HRH1: variants seen among roughly 807,000 people sequenced by gnomAD.
HRH1 encodes histamine H1 receptor.
HRH1 carries 6 observed loss-of-function variants against 10.3 expected under a neutral mutation model. The ratio of observed to expected loss-of-function variants is 0.58; its 90% CI spans 0.32 to 1.15. The LOEUF (loss-of-function observed/expected upper bound fraction) is 1.15. Ranked by LOEUF, HRH1 falls within the 50% of genes most tolerant of loss-of-function variation. The pLI is 0.05. For missense variants in HRH1, 514 were observed against 615.3 expected, an observed-to-expected ratio of 0.84 and a Z score of 1.74; for synonymous variants, 242 against 236.7, an observed-to-expected ratio of 1.02 and a Z score of -0.21.
intron 1 of HRH1, among the ~76,000 whole-genome samples, chr3:11,218,146 A>G (rs781612361): frequency 4.6e-5 from 7 of 152,346 alleles, no homozygotes; most frequent in Non-Finnish European, 8.8e-5. Flanking sequence ...TGTACATTTG[A>G]GTAAGAAAAC....
intron 1 of HRH1, among the ~76,000 whole-genome samples, chr3:11,254,491 G>T (rs1469179007): frequency 6.6e-6 from 1 of 152,092 alleles, no homozygotes; most frequent in African/African-American, 2.4e-5. Flanking sequence ...ATACTTCACT[G>T]CCCCCAAGGT....
intron 1 of HRH1, among the ~76,000 whole-genome samples, chr3:11,161,399 A>G (rs1474529103): frequency 1.3e-5 from 2 of 152,178 alleles, no homozygotes; most frequent in African/African-American, 4.8e-5. Context: ...ACTAATCATC[A>G]TTAAATAAGT....
chr3:11,147,712 G>A (rs752162360), intron 1 of HRH1, among the ~76,000 whole-genome samples: 2 of 152,204 alleles, frequency 1.3e-5, no homozygotes, highest in Non-Finnish European at 2.9e-5. Context: ...ACTACACCCA[G>A]ATGAAGCTGA....
At chr3:11,258,421 C>T (rs1939841822) in intron 1 of HRH1, among the ~76,000 whole-genome samples, 1 of 152,128 alleles carries the variant, frequency 6.6e-6, no homozygotes, top group Non-Finnish European at 1.5e-5. Flanking sequence ...CTCTCATGGC[C>T]TCAAACATCA....
At chr3:11,216,936 C>G (rs138581130) in intron 1 of HRH1, among the ~76,000 whole-genome samples, 1 of 151,794 alleles carries the variant, frequency 6.6e-6, no homozygotes, top group African/African-American at 2.4e-5. Flanking sequence ...GTAATCCCAG[C>G]ACTTTGGGAG....
chr3:11,259,692 C>T lies in HRH1; in HGVS notation c.655C>T (p.Gln219Ter). ...TGCCAAGATCTACAAGGCCGTACGACAACACTGCCAGCACCGGGAGCTCAT... is the reference window on the plus strand; with the variant it reads ...TGCCAAGATCTACAAGGCCGTACGATAACACTGCCAGCACCGGGAGCTCAT... ...FYAKIYKAVR[Q>*]HCQHRELINR... The change falls in exon 2 of 2, where the codon CAA (glutamine) becomes TAA (stop). Residue 219 changes from glutamine to a stop codon, truncating the protein, a stop_gained. Transcript: ENST00000431010. LOFTEE classifies it low-confidence loss of function (END_TRUNC). The surrounding 1 kb of genome is among the most constrained non-coding windows in gnomAD (Gnocchi z 4.6). The T allele has an allele frequency of 6.2e-7, 1 of 1,614,128 alleles. No homozygotes were observed. Among genetic ancestry groups the T allele is most frequent in the Non-Finnish European group, 8.5e-7 (1 of 1,180,018 alleles).
chr3:11,165,491 AAC>A (rs149792248), intron 1 of HRH1, among the ~76,000 whole-genome samples: 29 of 152,236 alleles, frequency 1.9e-4, no homozygotes, highest in Admixed American at 9.2e-4. Context: ...TTACAGGGAA[AAC>A]ACACACACAC....
intron 1 of HRH1, among the ~76,000 whole-genome samples, chr3:11,258,242 CAAAAAAAAAAAAAA>C (rs33992856): frequency 2.6e-5 from 2 of 76,404 alleles, no homozygotes; most frequent in East Asian, 4.0e-4. Flanking sequence ...TGATGTAAGC[CAAAAAAAAAAAAAA>C]AAAAAAAAGC....
intron 1 of HRH1, among the ~76,000 whole-genome samples, chr3:11,245,561 C>G (rs1939458599): frequency 6.6e-6 from 1 of 152,172 alleles, no homozygotes; most frequent in South Asian, 2.1e-4. Context: ...ACTGTTTCAG[C>G]TGCCCCCATT....
At position 11,260,498 on chromosome 3, in the gene HRH1, CT is replaced by C. The variant is rs772839430; in HGVS notation, c.1462del (p.Ter488LysfsTer66). Reference protein sequence around the residue: ...TFKRILHIRS* With the variant: ...TFKRILHIRSX Reference sequence around the variant, plus strand: ...TCAAGAGAATTCTGCATATTCGCTCCTAAGGGAGGCTCTGAGGGGATGCAAC... The same window carrying C: ...TCAAGAGAATTCTGCATATTCGCTCCAAGGGAGGCTCTGAGGGGATGCAAC... On this transcript the variant is annotated frameshift_variant and stop_lost, in exon 2 of 2. Transcript: ENST00000431010. LOFTEE classifies it high-confidence loss of function. The C allele has an allele frequency of 1.9e-6, 3 of 1,587,632 alleles. No homozygotes were observed. The highest frequency in any genetic ancestry group is 2.6e-6 in the Non-Finnish European group (3 of 1,165,512).
In HRH1 at chr3:11,144,544, A is replaced by G. The variant is rs1249197218; in HGVS notation, c.-36+7145A>G. ...ATGGAATACTACTCAGCCATGGCAA[A>G]GAATAAAATCGTGTCTTTTGCAGCA... is the stretch of plus-strand genomic sequence containing the variant. On this transcript the variant is annotated intron_variant, in intron 1 of 1. Transcript: ENST00000438284. 4.5e-5 allele frequency among the ~76,000 whole-genome samples: 4 copies of G among 88,476 alleles called. 1 individual carries two copies. Among genetic ancestry groups the G allele is most frequent in the Admixed American group, 2.4e-4 (2 of 8,288 alleles). 58.0% of individuals were successfully genotyped at this position (88,476 alleles called of 152,430 possible).
intron 1 of HRH1, among the ~76,000 whole-genome samples, chr3:11,193,804 G>A (rs1217940638): frequency 2.6e-5 from 4 of 152,182 alleles, no homozygotes; most frequent in Non-Finnish European, 4.4e-5. Flanking sequence ...CAGGCCTCTC[G>A]TGTAAGAGCA....
chr3:11,196,953 C>CAAAA (rs35134148), intron 1 of HRH1, among the ~76,000 whole-genome samples: 1 of 110,468 alleles, frequency 9.1e-6, no homozygotes, highest in African/African-American at 3.7e-5. Context: ...ACTAAAAATA[C>CAAAA]AAAAAAAAAA....
At chr3:11,225,314 A>G (rs1051602070) in intron 1 of HRH1, among the ~76,000 whole-genome samples, 10 of 152,138 alleles carry the variant, frequency 6.6e-5, no homozygotes, top group African/African-American at 2.2e-4. Flanking sequence ...ATTTTTGACA[A>G]TGTGAGAACC....
At chr3:11,231,184 T>G (rs1939029256) in intron 1 of HRH1, among the ~76,000 whole-genome samples, 1 of 152,216 alleles carries the variant, frequency 6.6e-6, no homozygotes, top group South Asian at 2.1e-4. Context: ...CTGGTGCATT[T>G]CTTTTTACTA....
chr3:11,174,465 C>T (rs1937212781), intron 1 of HRH1, among the ~76,000 whole-genome samples: 2 of 152,178 alleles, frequency 1.3e-5, no homozygotes, highest in Non-Finnish European at 2.9e-5. Flanking sequence ...TTTCTGGGGT[C>T]TCTGAATGCA....
rs568677206 is a variant in HRH1 at position 11,172,803 on chromosome 3, G to A, written c.-36+18249G>A. 9.5e-5 allele frequency among the ~76,000 whole-genome samples: 14 copies of A among 147,636 alleles called. 1 individual carries two copies. In the East Asian group the frequency reaches 2.5e-3, roughly 26 times the overall value. ...TGCAAGCTCCGCCTCCCAGGTTCAC[G>A]CCATTCTCCTGCCTCAGCCTCCTGA... is the stretch of plus-strand genomic sequence containing the variant. On this transcript the variant is annotated intron_variant, in intron 1 of 1. Coordinates refer to ENST00000431010, the MANE Select transcript of HRH1 (RefSeq NM_001098212.2).
At chr3:11,185,958 A>T (rs1177295667) in intron 1 of HRH1, among the ~76,000 whole-genome samples, 1 of 151,974 alleles carries the variant, frequency 6.6e-6, no homozygotes, top group African/African-American at 2.4e-5. Flanking sequence ...CAATGGCATC[A>T]CCAGATTTGT....
intron 1 of HRH1, among the ~76,000 whole-genome samples, chr3:11,173,523 C>G (rs1427442193): frequency 6.6e-6 from 1 of 151,750 alleles, no homozygotes; most frequent in Non-Finnish European, 1.5e-5. Flanking sequence ...TTGCCTCAGC[C>G]TCCGAGTAGC....
Sources: allele counts gnomAD v4.1 joint callset (sites outside exome capture counted in the v4.1 genomes callset), GRCh38; gene constraint gnomAD v4.1.1; non-coding constraint Gnocchi (gnomAD v3.1); transcripts MANE v1.5; gene names NCBI Gene and HGNC (gene_info 2026-07-23, HGNC 2026-07-21).